Variants in CATIP observed in about 807,000 individuals in gnomAD.
The protein encoded by CATIP is ciliogenesis associated TTC17 interacting protein.
A neutral mutation model predicts 42.5 loss-of-function variants in CATIP; 40 were observed. That is an observed-to-expected ratio of 0.94 (90% CI 0.73 to 1.22). The LOEUF is 1.22. CATIP is among the 50% of genes most tolerant of loss of function. CATIP has a pLI of 0.00. For synonymous variants in CATIP, 222 were observed against 200.2 expected (o/e 1.11, Z -0.92); for missense variants, 489 against 496.0 (o/e 0.99, Z 0.13).
intron 6 of CATIP, 57 bp from the exon 7 acceptor site, chr2:218,364,571 G>A (rs1695357926): frequency 1.5e-5 from 24 of 1,597,730 alleles, no homozygotes; most frequent in Non-Finnish European, 2.0e-5. Flanking sequence ...AAGATGATGG[G>A]GAGCCCTTGG....
intron 7 of CATIP, among the ~76,000 whole-genome samples, chr2:218,365,046 GAAATC>G (rs1695380283): frequency 8.5e-5 from 13 of 152,290 alleles, no homozygotes; most frequent in Admixed American, 2.0e-4. Flanking sequence ...CACACTTGAT[GAAATC>G]ACTGTGCTGG....
intron 7 of CATIP, among the ~76,000 whole-genome samples, chr2:218,365,225 T>C (rs1401189123): frequency 6.6e-6 from 1 of 152,076 alleles, no homozygotes; most frequent in Non-Finnish European, 1.5e-5. Context: ...CCATCCTGGC[T>C]GACACGGTGA....
rs957759208 is a variant in CATIP, at chr2:218,357,544, G to A, written c.129G>A (p.Glu43=). Residue 43 remains glutamate (E), a synonymous_variant, in exon 3 of 10, where the codon GAG becomes GAA. Coordinates refer to ENST00000289388, the MANE Select transcript of CATIP (RefSeq NM_198559.2). ...IDFLSSLHKE[E]LQMLFFSETL... ...GGCCCCTCACCCCAGACAAGGAGGA[G>A]CTACAGATGCTGTTCTTCTCTGAGA... is the stretch of plus-strand genomic sequence containing the variant. The A allele has an allele frequency of 6.2e-7, 1 of 1,613,814 alleles. No individual in the cohort carries two copies. The highest frequency in any genetic ancestry group is 8.5e-7 in the Non-Finnish European group (1 of 1,179,934).
chr2:218,367,358 C>G (rs1014957245), intron 8 of CATIP, 72 bp from the exon 9 acceptor site: 3 of 1,397,540 alleles, frequency 2.1e-6, no homozygotes, highest in African/African-American at 2.8e-5. Flanking sequence ...TTTGGGTGTT[C>G]TCGGGATCTC....
intron 5 of CATIP, among the ~76,000 whole-genome samples, chr2:218,360,968 T>C (rs547663871): frequency 2.6e-5 from 4 of 151,642 alleles, no homozygotes; most frequent in Non-Finnish European, 5.9e-5. Context: ...GTAGCTGGGA[T>C]TATGGGCATG....
At chr2:218,367,268 G>GT (rs1695482282) in intron 8 of CATIP, 162 bp from the exon 9 acceptor site, 1 of 789,662 alleles carries the variant, frequency 1.3e-6, no homozygotes, top group African/African-American at 1.7e-5. Flanking sequence ...GCAATAAGAG[G>GT]AGGATCTTTC....
Position 218,367,795 on chromosome 2 carries a change from T to G in CATIP, c.995T>G (p.Leu332Arg). 1 of 1,612,746 alleles carries G rather than the reference T, an allele frequency of 6.2e-7. No individual in the cohort carries two copies. Among genetic ancestry groups the G allele is most frequent in the South Asian group, 1.1e-5 (1 of 91,088 alleles). ...GCCCACGCGCTCATCTCCGACTTCC[T>G]GCTCTTCCTGCTGCTGCGCCAGCCG... Reference protein sequence around the residue: ...PEAHALISDFLLFLLLRQPED... With the variant: ...PEAHALISDFRLFLLLRQPED... The change falls in exon 10 of 10, where the codon CTG becomes CGG. Residue 332 changes from leucine to arginine, a missense_variant. Leu to Arg is a moderately radical substitution (Grantham distance 102). Coordinates refer to ENST00000289388, the MANE Select transcript of CATIP (RefSeq NM_198559.2).
At chr2:218,361,174 T>A (rs558945590) in intron 5 of CATIP, among the ~76,000 whole-genome samples, 1 of 152,020 alleles carries the variant, frequency 6.6e-6, no homozygotes, top group African/African-American at 2.4e-5. Context: ...GAAACATCAA[T>A]CAACACGTGT....
At chr2:218,363,456 C>T (rs546361181) in intron 6 of CATIP, among the ~76,000 whole-genome samples, 74 of 147,910 alleles carry the variant, frequency 5.0e-4, no homozygotes, top group African/African-American at 1.3e-3. Flanking sequence ...ACTGCACTCC[C>T]GCCTGGGTGA....
intron 7 of CATIP, 136 bp from the exon 8 acceptor site, chr2:218,366,888 G>A (rs1422179833): frequency 1.4e-6 from 1 of 713,380 alleles, no homozygotes; most frequent in Non-Finnish European, 2.5e-6. Context: ...CCACCCTTAT[G>A]ACTGCATGTA....
At chr2:218,364,530 G>A in intron 6 of CATIP, 98 bp from the exon 7 acceptor site, 1 of 1,499,528 alleles carries the variant, frequency 6.7e-7, no homozygotes, top group Non-Finnish European at 9.1e-7. Flanking sequence ...AATGTCTTGA[G>A]GTTGTTATGA....
In CATIP at chr2:218,367,846, A is replaced by T. The variant is rs758001254; in HGVS notation, c.1046A>T (p.Glu349Val). 1.4e-5 allele frequency: 23 copies of T among 1,613,012 alleles called. No homozygotes were observed. In the Admixed American group the frequency reaches 3.2e-4, roughly 22 times the overall value. ...GAGGACGTGGTCACCTTCGCCGCCG[A>T]GTTCTTCGGCCCCTTCGACCCGTGG... ...QPEDVVTFAA[E>V]FFGPFDPWRP... is the part of the protein sequence containing the mutation. The change falls in exon 10 of 10, where the codon GAG becomes GTG. Residue 349 changes from glutamate to valine, a missense_variant. Coordinates refer to ENST00000289388, the MANE Select transcript of CATIP (RefSeq NM_198559.2).
At chr2:218,366,651 C>T (rs184798529) in intron 7 of CATIP, 43 of 317,724 alleles carry the variant, frequency 1.4e-4, no homozygotes, top group African/African-American at 8.4e-4. Context: ...CATAACAAAA[C>T]ACCACAGGCT....
At chr2:218,364,779 G>T (rs768529989) in intron 7 of CATIP, 27 bp downstream of exon 7, 1 of 1,604,632 alleles carries the variant, frequency 6.2e-7, no homozygotes, top group South Asian at 1.1e-5. Context: ...GGGCCCAGAG[G>T]GGTGGTGCTG....
chr2:218,367,819 C>G lies in CATIP; in HGVS notation c.1019C>G (p.Pro340Arg). 1 of 1,613,120 alleles carries G rather than the reference C, an allele frequency of 6.2e-7. No individual in the cohort carries two copies. The highest frequency in any genetic ancestry group is 8.5e-7 in the Non-Finnish European group (1 of 1,179,890). The change falls in exon 10 of 10, where the codon CCG (proline) becomes CGG (arginine). Residue 340 changes from proline (P) to arginine (R), a missense_variant. Pro to Arg is a moderately radical substitution (Grantham distance 103). Transcript: ENST00000289388. ...DFLLFLLLRQ[P>R]EDVVTFAAEF... ...CTGCTCTTCCTGCTGCTGCGCCAGC[C>G]GGAGGACGTGGTCACCTTCGCCGCC... is the stretch of plus-strand genomic sequence containing the variant.
At chr2:218,361,234 C>T (rs142713239) in intron 5 of CATIP, among the ~76,000 whole-genome samples, 13,698 of 151,262 alleles carry the variant, frequency 0.091, 656 homozygotes, top group Non-Finnish European at 0.11. Flanking sequence ...ATTAGCCAGG[C>T]GTGGTGGCAG....
chr2:218,358,883 C>CAAAAAAAA (rs34797850), intron 4 of CATIP, among the ~76,000 whole-genome samples: 1 of 123,680 alleles, frequency 8.1e-6, no homozygotes, highest in African/African-American at 3.1e-5. Flanking sequence ...GACCCTGTCT[C>CAAAAAAAA]AAAAAAAAAA....
At chr2:218,362,457 G>A (rs188207638) in intron 5 of CATIP, among the ~76,000 whole-genome samples, 1 of 151,706 alleles carries the variant, frequency 6.6e-6, no homozygotes, top group Non-Finnish European at 1.5e-5. Flanking sequence ...TGGCCAACAT[G>A]GTGAAATCCG....
chr2:218,358,182 C>G, intron 4 of CATIP, 90 bp downstream of exon 4: 1 of 999,222 alleles, frequency 1.0e-6, no homozygotes, highest in South Asian at 1.5e-5. Context: ...AACCAAAAAA[C>G]CTATTACATA....
Sources: gnomAD v4.1 joint callset for allele counts (sites outside exome capture counted in the v4.1 genomes callset) on GRCh38, gnomAD v4.1.1 for gene constraint, MANE v1.5 for transcripts, NCBI Gene and HGNC (gene_info 2026-07-23, HGNC 2026-07-21) for gene names.